Variants in RUBCN observed in about 807,000 individuals in gnomAD.
RUBCN encodes run domain Beclin-1-interacting and cysteine-rich domain-containing protein.
In RUBCN, 74 loss-of-function variants were observed where a neutral mutation model predicts 113.2. That is an observed-to-expected ratio of 0.65 (90% CI 0.54 to 0.79). The LOEUF (loss-of-function observed/expected upper bound fraction) is 0.79. RUBCN is among the 30% of genes least tolerant of loss of function. The probability of loss-of-function intolerance (pLI) is 0.00; values close to 1 mark genes in which losing one functional copy is unlikely to be tolerated. For missense variants in RUBCN, 1,109 were observed against 1,251.7 expected (o/e 0.89, Z 1.72); for synonymous variants, 480 against 490.0 (o/e 0.98, Z 0.27).
intron 1 of RUBCN, among the ~76,000 whole-genome samples, chr3:197,724,922 G>A (rs1470442116): frequency 6.6e-6 from 1 of 152,162 alleles, no homozygotes; most frequent in Non-Finnish European, 1.5e-5. Context: ...GCTCACGCCT[G>A]TAACCCCAGC....
At chr3:197,731,070 T>C (rs1045976017) in intron 1 of RUBCN, among the ~76,000 whole-genome samples, 1 of 151,682 alleles carries the variant, frequency 6.6e-6, no homozygotes, top group South Asian at 2.1e-4. Flanking sequence ...CACAGGACAA[T>C]AGTGGAGGGA....
chr3:197,687,925 C>A (rs1407773850), intron 11 of RUBCN, among the ~76,000 whole-genome samples: 3 of 152,226 alleles, frequency 2.0e-5, no homozygotes, highest in African/African-American at 7.2e-5. Flanking sequence ...ACGTCTGGAT[C>A]TCAGCCTTGG....
Position 197,694,556 on chromosome 3 carries a change from G to C in RUBCN, c.1503C>G (p.Ser501=), listed in dbSNP as rs899638708. The C allele has an allele frequency of 9.9e-6, 16 of 1,614,092 alleles. No individual in the cohort carries two copies. Among genetic ancestry groups the C allele is most frequent in the Middle Eastern group, 1.6e-4 (1 of 6,084 alleles). ...TCATTAGCTCGATGGCAGCAATTAA[G>C]GACTCTGAGATGCTGAAGTGGGCAT... ...KENAHFSISE[S]LIAAIELMKC... Residue 501 remains serine (S), a synonymous_variant, in exon 10 of 20, where the codon TCC becomes TCG. Transcript: ENST00000296343.
chr3:197,700,255 T>C (rs1399264145), intron 7 of RUBCN, among the ~76,000 whole-genome samples: 1 of 152,192 alleles, frequency 6.6e-6, no homozygotes. Context: ...TTCTAAGACG[T>C]CACAGGAAAT....
At chr3:197,735,197 G>C (rs1032668651) in intron 1 of RUBCN, among the ~76,000 whole-genome samples, 1 of 152,198 alleles carries the variant, frequency 6.6e-6, no homozygotes, top group South Asian at 2.1e-4. Context: ...AGGAGTTAGA[G>C]ACCAGCCTGG....
intron 11 of RUBCN, among the ~76,000 whole-genome samples, chr3:197,684,535 C>T (rs1721618088): frequency 6.6e-6 from 1 of 152,034 alleles, no homozygotes; most frequent in African/African-American, 2.4e-5. Flanking sequence ...CACAGGGACA[C>T]AACCCCTCAT....
chr3:197,714,853 G>A (rs144335814), intron 2 of RUBCN, among the ~76,000 whole-genome samples: 1 of 152,168 alleles, frequency 6.6e-6, no homozygotes, highest in African/African-American at 2.4e-5. Flanking sequence ...TGACTCACTT[G>A]ACAACTTTAT....
In RUBCN at chr3:197,677,441, G is replaced by A. The variant is rs763655324; in HGVS notation, c.2492+39C>T. On this transcript the variant is annotated intron_variant, in intron 17 of 19. Transcript: ENST00000296343. ...CGGGGATGTGTCCCTTTCGGAGACA[G>A]CAACGTGGCCAGAGGGCTCTAGCTC... 4.5e-6 allele frequency: 7 copies of A among 1,558,256 alleles called. No individual in the cohort carries two copies. The Admixed American group carries it at 1.2e-4, about 26-fold the overall frequency.
intron 2 of RUBCN, among the ~76,000 whole-genome samples, chr3:197,706,758 A>G (rs1417678416): frequency 6.6e-6 from 1 of 152,228 alleles, no homozygotes; most frequent in African/African-American, 2.4e-5. Flanking sequence ...ACCTTAAGAT[A>G]TATCAGAACT....
At chr3:197,749,807 C>G (rs1451630846), upstream of RUBCN, 4 of 473,172 alleles carry the variant, frequency 8.5e-6, no homozygotes, top group Admixed American at 4.1e-5. Context: ...TGGTCGCCCG[C>G]GAGTGTCGGT....
chr3:197,675,536 T>A lies in RUBCN; in HGVS notation c.2647-21A>T. The stretch of plus-strand genomic sequence containing the variant: ...CAGAGCTGGGGAGGAAAAACACAGA[T>A]GGCAAAATGAGGAGCGGCACATCAG... On this transcript the variant is annotated intron_variant, in intron 18 of 19. Coordinates refer to ENST00000296343, the MANE Select transcript of RUBCN (RefSeq NM_014687.4). This position sits in a 1 kb window ranked among gnomAD's most constrained non-coding sequence, Gnocchi z 4.4. 1 of 1,587,952 alleles carries A rather than the reference T, an allele frequency of 6.3e-7. No individual in the cohort carries two copies. The highest frequency in any genetic ancestry group is 8.6e-7 in the Non-Finnish European group (1 of 1,156,828).
chr3:197,715,452 T>C (rs1725421629), intron 2 of RUBCN, among the ~76,000 whole-genome samples: 1 of 152,140 alleles, frequency 6.6e-6, no homozygotes, highest in South Asian at 2.1e-4. Context: ...TATAAATAGT[T>C]CTCGGATTGT....
chr3:197,697,280 A>C (rs1723122394), intron 7 of RUBCN, among the ~76,000 whole-genome samples: 1 of 152,212 alleles, frequency 6.6e-6, no homozygotes, highest in Admixed American at 6.5e-5. Flanking sequence ...AGAATGGGGC[A>C]ACATAAAGGA....
chr3:197,707,148 AGTG>A (rs1208678903), intron 2 of RUBCN, among the ~76,000 whole-genome samples: 22 of 151,808 alleles, frequency 1.4e-4, no homozygotes, highest in African/African-American at 5.3e-4. Flanking sequence ...TCAAGACCAC[AGTG>A]AAACCCCGTC....
At chr3:197,749,209 A>C (rs1261052217) in intron 1 of RUBCN, 3 of 916,536 alleles carry the variant, frequency 3.3e-6, no homozygotes, top group African/African-American at 3.5e-5. Context: ...GAACCCTTCT[A>C]TCCATTCCCA....
intron 1 of RUBCN, among the ~76,000 whole-genome samples, chr3:197,730,859 CT>C (rs1021974844): frequency 3.4e-4 from 20 of 58,972 alleles, no homozygotes; most frequent in East Asian, 1.6e-3. Flanking sequence ...ATTAAAATAT[CT>C]TTTTTTTTCA....
chr3:197,727,894 T>A (rs1726935252), intron 1 of RUBCN, among the ~76,000 whole-genome samples: 1 of 152,270 alleles, frequency 6.6e-6, no homozygotes, highest in Non-Finnish European at 1.5e-5. Flanking sequence ...ACAACACCAC[T>A]TTAATAGCAA....
At chr3:197,702,556 G>A (rs544218934) in intron 5 of RUBCN, among the ~76,000 whole-genome samples, 10 of 152,188 alleles carry the variant, frequency 6.6e-5, no homozygotes, top group East Asian at 5.8e-4. Context: ...CCAGCTACTC[G>A]GGAGGCTGAG....
At chr3:197,743,590 A>G (rs1351806111) in intron 1 of RUBCN, among the ~76,000 whole-genome samples, 1 of 152,260 alleles carries the variant, frequency 6.6e-6, no homozygotes, top group Non-Finnish European at 1.5e-5. Context: ...AGAAGACAGC[A>G]GCAGACAGGT....
Sources: allele counts gnomAD v4.1 joint callset (sites outside exome capture counted in the v4.1 genomes callset), GRCh38; gene constraint gnomAD v4.1.1; non-coding constraint Gnocchi (gnomAD v3.1); transcripts MANE v1.5; gene names NCBI Gene and HGNC (gene_info 2026-07-23, HGNC 2026-07-21).